The following USP26 variants were observed in gnomAD, a reference collection of about 807,000 sequenced individuals.
The protein encoded by USP26 is ubiquitin specific peptidase 26, also known as ubiquitin carboxyl-terminal hydrolase 26.
For missense variants in USP26, 649 were observed against 642.3 expected, an observed-to-expected ratio of 1.01 and a Z score of -0.11; for synonymous variants, 236 against 240.6, an observed-to-expected ratio of 0.98 and a Z score of 0.18.
In USP26 at chrX:133,095,162, C is replaced by A. The variant is rs146173921; in HGVS notation, c.-393+1868G>T. ...AAGAAAGAAAATGCCACAAAACATT[C>A]TTTCAATTAGAAAATTCTTTTCGTT... On this transcript the variant is annotated intron_variant, in intron 1 of 5. Coordinates refer to ENST00000511190, the MANE Select transcript of USP26 (RefSeq NM_031907.3). 2.2e-4 allele frequency among the ~76,000 whole-genome samples: 24 copies of A among 109,086 alleles called. No individual in the cohort carries two copies. The East Asian group carries it at 5.2e-3, about 23-fold the overall frequency. The allele number at this position is 109,086 out of a possible 115,157, so 94.7% of individuals were successfully genotyped here.
chrX:133,025,631 C>A lies in USP26; in HGVS notation c.2590G>T (p.Gly864Cys). 8.3e-7 allele frequency: 1 copy of A among 1,211,280 alleles called. No homozygotes were observed. Among genetic ancestry groups the A allele is most frequent in the Non-Finnish European group, 1.1e-6 (1 of 895,361 alleles). Residue 864 changes from glycine (G) to cysteine (C), a missense_variant, in exon 6 of 6, where the codon GGT (glycine) becomes TGT (cysteine). Gly to Cys is a radical substitution (Grantham distance 159). Coordinates refer to ENST00000511190, the MANE Select transcript of USP26 (RefSeq NM_031907.3). ...WFTYDDMRVL[G>C]IQEAQMQEDR... The stretch of plus-strand genomic sequence containing the variant: ...TCCTGCATCTGGGCCTCCTGGATAC[C>A]TAACACCCGCATATCATCGTAAGTG...
At chrX:133,086,749 T>C (rs1251174712) in intron 4 of USP26, among the ~76,000 whole-genome samples, 1 of 107,632 alleles carries the variant, frequency 9.3e-6, no homozygotes, top group Non-Finnish European at 1.9e-5. Flanking sequence ...CCATCTCTAC[T>C]AAAAATACAA....
intron 5 of USP26, among the ~76,000 whole-genome samples, chrX:133,059,398 A>C (rs1475076403): frequency 9.0e-6 from 1 of 111,529 alleles, no homozygotes; most frequent in African/African-American, 3.3e-5. Context: ...TTTAAGGCTC[A>C]GCATCTTATC....
chrX:133,045,946 C>G (rs2067438436), intron 5 of USP26: 1 of 112,109 alleles, frequency 8.9e-6, no homozygotes, highest in African/African-American at 3.2e-5. Flanking sequence ...AGGTCCAATT[C>G]TGGAAAGGAA....
chrX:133,068,058 A>C (rs2067518173), intron 5 of USP26, among the ~76,000 whole-genome samples: 1 of 112,454 alleles, frequency 8.9e-6, no homozygotes, highest in East Asian at 2.8e-4. Context: ...ATACCATAGA[A>C]TACTATGTAA....
chrX:133,030,714 A>C (rs1243847394), intron 5 of USP26, among the ~76,000 whole-genome samples: 3 of 112,429 alleles, frequency 2.7e-5, no homozygotes, highest in African/African-American at 6.5e-5. Flanking sequence ...TTGAAGACAA[A>C]TCCGTATATA....
Position 133,025,031 on chromosome X carries a change from CAAA to C in USP26, c.*445_*447del, listed in dbSNP as rs35348009. On this transcript the variant is annotated 3_prime_UTR_variant, in exon 6 of 6. Coordinates refer to ENST00000511190, the MANE Select transcript of USP26 (RefSeq NM_031907.3). The stretch of plus-strand genomic sequence containing the variant: ...AGTGAGACCCTGTCTCTGCAAAAAG[CAAA>C]AAAAAAAAAAAAAATAGCTAGGCCT... 2.3e-3 allele frequency: 166 copies of C among 73,272 alleles called. No homozygotes were observed. Among genetic ancestry groups the C allele is most frequent in the Middle Eastern group, 7.8e-3 (1 of 128 alleles). 6.0% of individuals were successfully genotyped at this position (73,272 alleles called of 1,213,427 possible).
intron 5 of USP26, among the ~76,000 whole-genome samples, chrX:133,033,839 C>A (rs1259889750): frequency 8.9e-6 from 1 of 111,883 alleles, no homozygotes; most frequent in Non-Finnish European, 1.9e-5. Context: ...ATATTCCTGA[C>A]CTCGGGTTTT....
intron 5 of USP26, among the ~76,000 whole-genome samples, chrX:133,065,158 C>T (rs1160403665): frequency 9.0e-6 from 1 of 111,147 alleles, no homozygotes; most frequent in Non-Finnish European, 1.9e-5. Context: ...ACACATACAC[C>T]CGCCCCAAGA....
intron 5 of USP26, among the ~76,000 whole-genome samples, chrX:133,039,010 C>T (rs2067407009): frequency 9.0e-6 from 1 of 111,364 alleles, no homozygotes; most frequent in Non-Finnish European, 1.9e-5. Flanking sequence ...GTGGTGACAG[C>T]CCCTTTATCA....
intron 5 of USP26, among the ~76,000 whole-genome samples, chrX:133,035,735 G>C (rs1208789892): frequency 9.0e-6 from 1 of 111,572 alleles, no homozygotes; most frequent in African/African-American, 3.3e-5. Flanking sequence ...AAATCTTACA[G>C]ACCTTTTAAG....
At chrX:133,031,177 C>T (rs760343562) in intron 5 of USP26, among the ~76,000 whole-genome samples, 4 of 111,799 alleles carry the variant, frequency 3.6e-5, no homozygotes, top group East Asian at 2.8e-4. Context: ...GCAAATCTCA[C>T]GGAATAAAAA....
At chrX:133,039,571 T>C (rs1343364356) in intron 5 of USP26, among the ~76,000 whole-genome samples, 1 of 111,854 alleles carries the variant, frequency 8.9e-6, no homozygotes, top group East Asian at 2.8e-4. Flanking sequence ...CTGAGGAGTG[T>C]TTTACTTCCA....
chrX:133,045,354 C>T (rs773005347), intron 5 of USP26, among the ~76,000 whole-genome samples: 1 of 111,924 alleles, frequency 8.9e-6, no homozygotes, highest in South Asian at 3.8e-4. Context: ...TACCAATCAG[C>T]TCTCTGTAAA....
chrX:133,074,285 C>T (rs1046806879), intron 5 of USP26, among the ~76,000 whole-genome samples: 9 of 112,361 alleles, frequency 8.0e-5, no homozygotes, highest in Non-Finnish European at 5.6e-5. Flanking sequence ...TGAAAGAGAA[C>T]ATATATGGTC....
chrX:133,092,928 C>T (rs1455042343), intron 1 of USP26, among the ~76,000 whole-genome samples: 1 of 111,360 alleles, frequency 9.0e-6, no homozygotes, highest in African/African-American at 3.3e-5. Flanking sequence ...CATTCAGATG[C>T]TAGATAATAT....
At chrX:133,044,935 A>G (rs1395825092) in intron 5 of USP26, among the ~76,000 whole-genome samples, 4 of 112,222 alleles carry the variant, frequency 3.6e-5, no homozygotes, top group African/African-American at 1.3e-4. Flanking sequence ...GGGTTTGTAA[A>G]TGCACCAATC....
chrX:133,028,169 C>A lies in USP26; in HGVS notation c.52G>T (p.Gly18Trp). The change falls in exon 6 of 6, where the codon GGG becomes TGG. Residue 18 changes from glycine to tryptophan, a missense_variant. Transcript: ENST00000511190. The stretch of plus-strand genomic sequence containing the variant: ...AATGCTTCTTTTGACTTAGATATCC[C>A]AGTCTTGCAGTTCCCTATTTGGACA... ...GFVQIGNCKTGISKSKEAFIE... is the reference protein window; with the variant it reads ...GFVQIGNCKTWISKSKEAFIE... 1 of 1,209,638 alleles carries A rather than the reference C, an allele frequency of 8.3e-7. No homozygotes were observed. The highest frequency in any genetic ancestry group is 1.1e-6 in the Non-Finnish European group (1 of 893,729).
At position 133,026,901 on chromosome X, in the gene USP26, T is replaced by C; in HGVS notation, c.1320A>G (p.Leu440=). ...FSCPVITNFE[L]ELLHSIACKA... ...TACAAGCAATGGAGTGCAACAACTC[T>C]AACTCAAAATTAGTAATGACAGGGC... is the stretch of plus-strand genomic sequence containing the variant. The change falls in exon 6 of 6, where the codon TTA becomes TTG. Residue 440 remains leucine, a synonymous_variant. Coordinates refer to ENST00000511190, the MANE Select transcript of USP26 (RefSeq NM_031907.3). 1 of 1,209,698 alleles carries C rather than the reference T, an allele frequency of 8.3e-7. No homozygotes were observed. The highest frequency in any genetic ancestry group is 1.1e-6 in the Non-Finnish European group (1 of 895,188).
Sources: gnomAD v4.1 joint callset for allele counts (sites outside exome capture counted in the v4.1 genomes callset) on GRCh38, gnomAD v4.1.1 for gene constraint, MANE v1.5 for transcripts, NCBI Gene and HGNC (gene_info 2026-07-23, HGNC 2026-07-21) for gene names.